CENPF: variants seen among roughly 807,000 people sequenced by gnomAD.
The protein encoded by CENPF is centromere protein F.
In CENPF, 214 loss-of-function variants were observed where a neutral mutation model predicts 307.3. The observed-to-expected ratio is 0.70, with a 90% confidence interval of 0.62 to 0.78. The LOEUF (loss-of-function observed/expected upper bound fraction) is 0.78, where lower values mean the gene tolerates loss of function less well. CENPF is among the 30% of genes least tolerant of loss of function. CENPF has a pLI of 0.00. For missense variants in CENPF, 3,401 were observed against 3,483.9 expected (o/e 0.98, Z 0.60); for synonymous variants, 1,259 against 1,270.6 (o/e 0.99, Z 0.19).
intron 6 of CENPF, among the ~76,000 whole-genome samples, chr1:214,621,878 C>T (rs1432254082): frequency 6.6e-6 from 1 of 152,202 alleles, no homozygotes; most frequent in Non-Finnish European, 1.5e-5. Context: ...ATCTGTTTCT[C>T]CTGCTTTCTA....
intron 19 of CENPF, among the ~76,000 whole-genome samples, chr1:214,660,154 C>A (rs572939712): frequency 3.2e-4 from 48 of 152,206 alleles, no homozygotes; most frequent in African/African-American, 1.1e-3. Flanking sequence ...TTGCAAATTT[C>A]TTTTTGTTGA....
rs777188502 is a variant in CENPF at position 214,655,255 on chromosome 1, A to G, written c.8337A>G (p.Lys2779=). The change falls in exon 17 of 20, where the codon AAA becomes AAG. Residue 2779 remains lysine (K), a synonymous_variant. Transcript: ENST00000366955. ...TTATTTTGTAGATGGACAATCTAAA[A>G]TATGTAAATCAGTTGAAGAAGGAAA... is the stretch of plus-strand genomic sequence containing the variant. ...ELKKTKMDNL[K]YVNQLKKENE... 1 of 1,593,730 alleles carries G rather than the reference A, an allele frequency of 6.3e-7. No individual in the cohort carries two copies. The highest frequency in any genetic ancestry group is 8.5e-7 in the Non-Finnish European group (1 of 1,171,298).
chr1:214,640,927 A>G lies in CENPF; in HGVS notation c.2589A>G (p.Ile863Met), dbSNP rs1413641928. Residue 863 changes from isoleucine to methionine, a missense_variant, in exon 12 of 20, where the codon ATA becomes ATG. By Grantham distance (10) the Ile-to-Met change is conservative. Coordinates refer to ENST00000366955, the MANE Select transcript of CENPF (RefSeq NM_016343.4). ...AGTTGGTGCAAATCAAAGGAGAAAT[A>G]GAAGAAAATCTCATGAAAGCAGAAC... ...CEELVQIKGEIEENLMKAEQM... is the reference protein window; with the variant it reads ...CEELVQIKGEMEENLMKAEQM... 1.2e-6 allele frequency: 2 copies of G among 1,608,608 alleles called. No homozygotes were observed. Among genetic ancestry groups the G allele is most frequent in the African/African-American group, 1.3e-5 (1 of 74,494 alleles).
At chr1:214,626,995 A>G (rs1439956763) in intron 7 of CENPF, among the ~76,000 whole-genome samples, 1 of 152,178 alleles carries the variant, frequency 6.6e-6, no homozygotes, top group East Asian at 1.9e-4. Flanking sequence ...TTCACATAAA[A>G]TCGTGAATTA....
intron 1 of CENPF, among the ~76,000 whole-genome samples, chr1:214,604,009 G>A (rs1656958766): frequency 6.6e-6 from 1 of 152,192 alleles, no homozygotes; most frequent in East Asian, 1.9e-4. Flanking sequence ...CGGCTCGGCT[G>A]TGTAATGAGG....
At chr1:214,625,179 A>T (rs938840467) in intron 7 of CENPF, among the ~76,000 whole-genome samples, 1 of 152,036 alleles carries the variant, frequency 6.6e-6, no homozygotes, top group Admixed American at 6.5e-5. Context: ...TGTAGACAAC[A>T]TATAATTGGG....
intron 1 of CENPF, among the ~76,000 whole-genome samples, chr1:214,607,921 G>A (rs184741075): frequency 0.03 from 4,611 of 152,288 alleles, 107 homozygotes; most frequent in Middle Eastern, 0.088. Context: ...GGATGCAGCA[G>A]CCTCGCCTCA....
chr1:214,608,548 C>T (rs559159933), intron 1 of CENPF: 4 of 1,611,514 alleles, frequency 2.5e-6, no homozygotes, highest in East Asian at 4.5e-5. Flanking sequence ...GCAGGAGACG[C>T]GGTTGCGGCG....
At position 214,648,779 on chromosome 1, in the gene CENPF, G is replaced by C. The variant is rs146342844; in HGVS notation, c.7935G>C (p.Arg2645Ser). Reference protein sequence around the residue: ...LQEELSGEKNRLAGELQLLLE... With the variant: ...LQEELSGEKNSLAGELQLLLE... ...AAGAACTCAGTGGAGAGAAAAATAG[G>C]CTAGCTGGAGAGTTGCAGTTACTGT... Residue 2645 changes from arginine to serine, a missense_variant, in exon 14 of 20, where the codon AGG (arginine) becomes AGC (serine). Transcript: ENST00000366955. The C allele has an allele frequency of 6.2e-6, 10 of 1,613,880 alleles. No individual in the cohort carries two copies. Among genetic ancestry groups the C allele is most frequent in the Admixed American group, 5.0e-5 (3 of 60,006 alleles).
At chr1:214,622,415 A>G (rs1657533251) in intron 7 of CENPF, 134 bp downstream of exon 7, 1 of 780,176 alleles carries the variant, frequency 1.3e-6, no homozygotes, top group African/African-American at 1.8e-5. Context: ...CTCTTGATGC[A>G]ACTGAACTAG....
chr1:214,637,961 G>A lies in CENPF; in HGVS notation c.1542G>A (p.Gln514=). 6.2e-7 allele frequency: 1 copy of A among 1,612,954 alleles called. No individual in the cohort carries two copies. Among genetic ancestry groups the A allele is most frequent in the East Asian group, 2.2e-5 (1 of 44,838 alleles). ...HLEAELKNIK[Q]CLNQSQNFAE... ...AGGCAGAACTCAAGAACATCAAACA[G>A]TGTTTAAATCAGAGCCAGAATTTTG... Residue 514 remains glutamine, a synonymous_variant, in exon 11 of 20, where the codon CAG becomes CAA. Coordinates refer to ENST00000366955, the MANE Select transcript of CENPF (RefSeq NM_016343.4).
chr1:214,652,935 C>T lies in CENPF; in HGVS notation c.8268C>T (p.Leu2756=). Residue 2756 remains leucine, a synonymous_variant, in exon 16 of 20, where the codon CTC becomes CTT. Coordinates refer to ENST00000366955, the MANE Select transcript of CENPF (RefSeq NM_016343.4). ...TTTTAAAGTCTAGTAAAGAAGAGCT[C>T]AATAATTCATTGAAAGCTACTACTC... ...IDLLKSSKEE[L]NNSLKATTQI... 6.2e-7 allele frequency: 1 copy of T among 1,607,164 alleles called. No homozygotes were observed. The highest frequency in any genetic ancestry group is 1.1e-5 in the South Asian group (1 of 89,136).
At chr1:214,623,471 TG>T (rs1284727744) in intron 7 of CENPF, among the ~76,000 whole-genome samples, 1 of 152,182 alleles carries the variant, frequency 6.6e-6, no homozygotes, top group Non-Finnish European at 1.5e-5. Flanking sequence ...TCATGGATAC[TG>T]AGGGATGACT....
intron 10 of CENPF, among the ~76,000 whole-genome samples, chr1:214,637,255 C>G (rs1229401688): frequency 6.6e-6 from 1 of 152,240 alleles, no homozygotes; most frequent in Non-Finnish European, 1.5e-5. Flanking sequence ...TGATTAGTAT[C>G]ACATCTTCCC....
At chr1:214,649,875 T>C (rs1388798773) in intron 14 of CENPF, among the ~76,000 whole-genome samples, 1 of 152,242 alleles carries the variant, frequency 6.6e-6, no homozygotes, top group African/African-American at 2.4e-5. Context: ...ATTGGCTTTA[T>C]TCATTCATTT....
Position 214,657,284 on chromosome 1 carries a change from C to T in CENPF, c.8837C>T (p.Thr2946Ile). Residue 2946 changes from threonine to isoleucine, a missense_variant, in exon 18 of 20, where the codon ACA (threonine) becomes ATA (isoleucine). Physicochemically the swap from Thr to Ile is moderately conservative, Grantham distance 89. Coordinates refer to ENST00000366955, the MANE Select transcript of CENPF (RefSeq NM_016343.4). ...ATATGGGAGAATGGTAGAGGACCAA[C>T]ACCTGCTACCCCAGAGAGCTTTTCT... ...SGIWENGRGP[T>I]PATPESFSKK... 6.2e-7 allele frequency: 1 copy of T among 1,614,078 alleles called. No homozygotes were observed. The highest frequency in any genetic ancestry group is 8.5e-7 in the Non-Finnish European group (1 of 1,179,998).
rs138130551 is a variant in CENPF, at chr1:214,661,452, A to C, written c.9142-2139A>C. ...TCCCAAAGCAGTTGCTTAGAAACTCAGGGTTGTGAGTTCTCCTTTGAGGTG... is the reference window on the plus strand; with the variant it reads ...TCCCAAAGCAGTTGCTTAGAAACTCCGGGTTGTGAGTTCTCCTTTGAGGTG... On this transcript the variant is annotated intron_variant, in intron 19 of 19. Transcript: ENST00000366955. 2.1e-3 allele frequency among the ~76,000 whole-genome samples: 314 copies of C among 152,342 alleles called. 1 individual carries two copies. The highest frequency in any genetic ancestry group is 6.9e-3 in the African/African-American group (288 of 41,584).
At chr1:214,648,421 A>T (rs1409204868) in intron 13 of CENPF, 1 of 629,398 alleles carries the variant, frequency 1.6e-6, no homozygotes, top group Non-Finnish European at 2.9e-6. Context: ...TTTAAGACTT[A>T]GGGATATTAT....
rs776300377 is a variant in CENPF, at chr1:214,629,044, A to G, written c.1069-2A>G. The stretch of plus-strand genomic sequence containing the variant: ...GTCTTGAACATTTTTATTCATTATT[A>G]GTATACTGCATTGGAACAAAAACTG... On this transcript the variant is annotated splice_acceptor_variant, in intron 7 of 19. Coordinates refer to ENST00000366955, the MANE Select transcript of CENPF (RefSeq NM_016343.4). LOFTEE classifies it high-confidence loss of function. 4 of 1,587,122 alleles carry G rather than the reference A, an allele frequency of 2.5e-6. No homozygotes were observed. The highest frequency in any genetic ancestry group is 2.6e-6 in the Non-Finnish European group (3 of 1,167,814).
Sources: allele counts gnomAD v4.1 joint callset (sites outside exome capture counted in the v4.1 genomes callset), GRCh38; gene constraint gnomAD v4.1.1; transcripts MANE v1.5; gene names NCBI Gene and HGNC (gene_info 2026-07-23, HGNC 2026-07-21).